Variants in RBFOX1 observed in about 807,000 individuals in gnomAD.
RBFOX1 encodes the protein RNA binding fox-1 homolog 1.
In RBFOX1, 8 loss-of-function variants were observed where a neutral mutation model predicts 57.7. The observed-to-expected ratio is 0.14, with a 90% CI of 0.08 to 0.25. The LOEUF is 0.25. Among genes scored for constraint, RBFOX1 ranks in the 10% least tolerant of loss-of-function variants. The pLI, the probability that RBFOX1 is intolerant of heterozygous loss-of-function variation, is 1.00. For missense variants in RBFOX1, 611 were observed against 548.5 expected (o/e 1.11, Z -1.14); for synonymous variants, 326 against 222.4 (o/e 1.47, Z -4.15).
intron 4 of RBFOX1, among the ~76,000 whole-genome samples, chr16:7,449,728 G>A (rs1336346291): frequency 1.4e-5 from 1 of 69,592 alleles, no homozygotes; most frequent in Non-Finnish European, 3.0e-5. Context: ...GTGTGTGTGT[G>A]TGGGGGGGGG....
intron 2 of RBFOX1, among the ~76,000 whole-genome samples, chr16:6,517,596 G>C (rs545461706): frequency 6.6e-6 from 1 of 152,216 alleles, no homozygotes; most frequent in South Asian, 2.1e-4. Context: ...GTGTTTCAGA[G>C]AGTGCTTTGC....
At chr16:6,858,254 C>G (rs968782906) in intron 3 of RBFOX1, among the ~76,000 whole-genome samples, 1 of 152,184 alleles carries the variant, frequency 6.6e-6, no homozygotes, top group African/African-American at 2.4e-5. Context: ...AAATGATGAA[C>G]TACACTTTGT....
chr16:6,913,349 C>T (rs1411089441), intron 3 of RBFOX1, among the ~76,000 whole-genome samples: 1 of 152,118 alleles, frequency 6.6e-6, no homozygotes. Flanking sequence ...CCCATTTTAA[C>T]CCCCTTATGA....
At chr16:6,073,218 G>C (rs954904538) in intron 1 of RBFOX1, among the ~76,000 whole-genome samples, 5 of 152,108 alleles carry the variant, frequency 3.3e-5, no homozygotes, top group African/African-American at 9.7e-5. Flanking sequence ...GACTTCCAGG[G>C]CTGAGATGAA....
At chr16:7,315,895 T>C (rs1457583193) in intron 4 of RBFOX1, among the ~76,000 whole-genome samples, 1 of 152,186 alleles carries the variant, frequency 6.6e-6, no homozygotes, top group East Asian at 1.9e-4. Context: ...ACATATATCT[T>C]TGATGGGTTA....
intron 4 of RBFOX1, among the ~76,000 whole-genome samples, chr16:7,158,704 G>A (rs1046618355): frequency 7.0e-5 from 10 of 142,968 alleles, no homozygotes; most frequent in Non-Finnish European, 3.1e-5. Context: ...TGTTTGTGTG[G>A]TGCATATGTG....
intron 4 of RBFOX1, among the ~76,000 whole-genome samples, chr16:7,352,685 C>T (rs939089704): frequency 1.3e-5 from 2 of 152,028 alleles, no homozygotes; most frequent in African/African-American, 4.8e-5. Flanking sequence ...CCTGGATCTG[C>T]CCCTCAATGT....
chr16:5,479,023 C>T (rs2069428573), intron 2 of RBFOX1, among the ~76,000 whole-genome samples: 3 of 152,146 alleles, frequency 2.0e-5, no homozygotes, highest in African/African-American at 7.2e-5. Context: ...TTATTAATTT[C>T]CTCACAAATT....
At chr16:6,286,027 G>C (rs200220199) in intron 1 of RBFOX1, among the ~76,000 whole-genome samples, 1 of 152,272 alleles carries the variant, frequency 6.6e-6, no homozygotes, top group East Asian at 1.9e-4. Flanking sequence ...AGGTGACGAG[G>C]CTGCATCAAA....
intron 1 of RBFOX1, among the ~76,000 whole-genome samples, chr16:6,224,614 G>A (rs896953084): frequency 1.3e-5 from 2 of 152,104 alleles, no homozygotes; most frequent in African/African-American, 2.4e-5. Context: ...CTAGGTCTGC[G>A]TATTTCTGCT....
intron 3 of RBFOX1, among the ~76,000 whole-genome samples, chr16:5,670,241 C>G (rs1384543847): frequency 6.6e-6 from 1 of 152,152 alleles, no homozygotes; most frequent in Non-Finnish European, 1.5e-5. Flanking sequence ...TGAAAATGTT[C>G]TGGACTCAGA....
intron 2 of RBFOX1, among the ~76,000 whole-genome samples, chr16:5,489,989 C>G (rs906264741): frequency 1.3e-5 from 2 of 152,242 alleles, no homozygotes; most frequent in Non-Finnish European, 2.9e-5. Flanking sequence ...GTTATTTTCA[C>G]TGCTGTCTGT....
At chr16:6,539,197 G>C (rs1257959700) in intron 2 of RBFOX1, among the ~76,000 whole-genome samples, 1 of 151,736 alleles carries the variant, frequency 6.6e-6, no homozygotes, top group East Asian at 1.9e-4. Context: ...TTGAATCATT[G>C]TGCAGTATGA....
chr16:6,421,250 C>T (rs546700550), intron 2 of RBFOX1, among the ~76,000 whole-genome samples: 1 of 152,316 alleles, frequency 6.6e-6, no homozygotes, highest in East Asian at 1.9e-4. Flanking sequence ...CAGCCCGCAT[C>T]TCTGCTCTTC....
At chr16:6,188,180 A>G (rs768534533) in intron 1 of RBFOX1, among the ~76,000 whole-genome samples, 1 of 152,280 alleles carries the variant, frequency 6.6e-6, no homozygotes. Flanking sequence ...TAAAAAATCC[A>G]TATATAAGTA....
At chr16:6,270,125 G>T (rs2075027371) in intron 1 of RBFOX1, among the ~76,000 whole-genome samples, 1 of 151,754 alleles carries the variant, frequency 6.6e-6, no homozygotes, top group Admixed American at 6.6e-5. Flanking sequence ...ATTTAATTAT[G>T]AAAATATTTC....
chr16:6,562,880 C>CTTTCTTTCTTTCTTTCTTT (rs746999419), intron 2 of RBFOX1, among the ~76,000 whole-genome samples: 59 of 51,752 alleles, frequency 1.1e-3, no homozygotes, highest in South Asian at 4.0e-3. Context: ...TTCTTTCTTT[C>CTTTCTTTCTTTCTTTCTTT]TTTTTTTTTT....
intron 3 of RBFOX1, among the ~76,000 whole-genome samples, chr16:5,696,336 T>C (rs962850684): frequency 6.6e-6 from 1 of 152,238 alleles, no homozygotes; most frequent in Non-Finnish European, 1.5e-5. Flanking sequence ...TCACATGTAA[T>C]GCCAGTTTAT....
chr16:6,700,008 G>A (rs571674276), intron 3 of RBFOX1, among the ~76,000 whole-genome samples: 8 of 152,078 alleles, frequency 5.3e-5, no homozygotes, highest in Non-Finnish European at 1.0e-4. Context: ...TGTTTTCAGG[G>A]TATCTTTTCC....
Sources: allele counts gnomAD v4.1 joint callset (sites outside exome capture counted in the v4.1 genomes callset), GRCh38; gene constraint gnomAD v4.1.1; transcripts MANE v1.5; gene names NCBI Gene and HGNC (gene_info 2026-07-23, HGNC 2026-07-21).